The following ALKBH8 variants were observed in gnomAD, a reference collection of about 807,000 sequenced individuals.
The protein encoded by ALKBH8 is alkB homolog 8, tRNA methyltransferase.
A neutral mutation model predicts 59.8 loss-of-function variants in ALKBH8; 36 were observed. That is an observed-to-expected ratio of 0.60 (90% CI 0.46 to 0.79). The LOEUF (loss-of-function observed/expected upper bound fraction) is 0.79, where lower values mean the gene tolerates loss of function less well. Ranked by LOEUF, ALKBH8 falls within the 30% of genes least tolerant of loss-of-function variation. The probability of loss-of-function intolerance (pLI) is 0.00; values close to 1 mark genes in which losing one functional copy is unlikely to be tolerated. For synonymous variants in ALKBH8, 276 were observed against 273.6 expected, an observed-to-expected ratio of 1.01 and a Z score of -0.09; for missense variants, 768 against 801.0, an observed-to-expected ratio of 0.96 and a Z score of 0.50.
intron 2 of ALKBH8, among the ~76,000 whole-genome samples, chr11:107,558,061 AT>A (rs1334989945): frequency 6.6e-6 from 1 of 152,162 alleles, no homozygotes; most frequent in Non-Finnish European, 1.5e-5. Context: ...TCTTAGTATT[AT>A]TTTTTAACAC....
At position 107,505,113 on chromosome 11, in the gene ALKBH8, T is replaced by A; in HGVS notation, c.1540A>T (p.Lys514Ter). ...WAMEQEYNKQ[K>*]SKYLRGNRNS... The stretch of plus-strand genomic sequence containing the variant: ...CTGTTTCCTCTAAGATACTTGGACT[T>A]CTGCTTATTATATTCTTGTTCCATT... The change falls in exon 12 of 12, where the codon AAG (lysine) becomes TAG (stop). Residue 514 changes from lysine to a stop codon, truncating the protein, a stop_gained. Transcript: ENST00000428149. LOFTEE classifies it low-confidence loss of function (END_TRUNC). 1.3e-6 allele frequency: 2 copies of A among 1,551,416 alleles called. No individual in the cohort carries two copies. The highest frequency in any genetic ancestry group is 2.4e-5 in the South Asian group (2 of 84,066).
At chr11:107,544,011 T>A (rs981695358) in intron 7 of ALKBH8, among the ~76,000 whole-genome samples, 4 of 152,220 alleles carry the variant, frequency 2.6e-5, no homozygotes, top group African/African-American at 9.6e-5. Context: ...TATGTACATA[T>A]CTTTTATTAT....
At chr11:107,534,017 C>T (rs1340685426) in intron 7 of ALKBH8, among the ~76,000 whole-genome samples, 2 of 152,020 alleles carry the variant, frequency 1.3e-5, no homozygotes, top group African/African-American at 4.8e-5. Flanking sequence ...GTAATCTCAG[C>T]TACTCAGGAG....
At chr11:107,526,928 ATCTG>A (rs1487671126) in intron 8 of ALKBH8, among the ~76,000 whole-genome samples, 7 of 151,970 alleles carry the variant, frequency 4.6e-5, no homozygotes, top group African/African-American at 1.4e-4. Flanking sequence ...CTCCTGATCT[ATCTG>A]TCTATCTGTA....
chr11:107,534,271 T>C (rs1016595236), intron 7 of ALKBH8, among the ~76,000 whole-genome samples: 1 of 152,178 alleles, frequency 6.6e-6, no homozygotes, highest in South Asian at 2.1e-4. Context: ...CTCGAAAGAA[T>C]AATGAGCATA....
At chr11:107,544,358 G>A (rs1474891438) in intron 7 of ALKBH8, among the ~76,000 whole-genome samples, 1 of 152,136 alleles carries the variant, frequency 6.6e-6, no homozygotes, top group Non-Finnish European at 1.5e-5. Flanking sequence ...GACTAAAGAA[G>A]CTCCCACTCC....
chr11:107,557,204 T>G (rs1864755608), intron 2 of ALKBH8, among the ~76,000 whole-genome samples: 1 of 152,252 alleles, frequency 6.6e-6, no homozygotes, highest in Admixed American at 6.5e-5. Flanking sequence ...AAAGGACTCC[T>G]ATATTGTAAA....
chr11:107,560,861 G>A lies in ALKBH8; in HGVS notation c.33C>T (p.Leu11=), dbSNP rs762959971. MDSNHQSNYK[L]SKTEKKFLRK... ...TTAAGAACTTCTTCTCAGTTTTACT[G>A]AGTTTGTAATTACTTTGATGGTTGC... The change falls in exon 2 of 12, where the codon CTC becomes CTT. Residue 11 remains leucine, a synonymous_variant. Transcript: ENST00000428149. The A allele has an allele frequency of 1.9e-6, 3 of 1,612,704 alleles. No individual in the cohort carries two copies. The highest frequency in any genetic ancestry group is 2.5e-6 in the Non-Finnish European group (3 of 1,179,348).
chr11:107,507,923 AT>A (rs1862458308), intron 11 of ALKBH8, among the ~76,000 whole-genome samples: 1 of 152,310 alleles, frequency 6.6e-6, no homozygotes, highest in African/African-American at 2.4e-5. Flanking sequence ...TCACAGTGCC[AT>A]AAAAATGATC....
intron 1 of ALKBH8, chr11:107,562,768 T>A (rs2510452): frequency 0.24 from 36,800 of 151,334 alleles, 4,815 homozygotes; most frequent in Non-Finnish European, 0.3. Context: ...GTAAAAAAAA[T>A]AATAATAATA....
At chr11:107,511,898 G>C (rs764856805) in intron 10 of ALKBH8, among the ~76,000 whole-genome samples, 1 of 151,976 alleles carries the variant, frequency 6.6e-6, no homozygotes, top group Admixed American at 6.6e-5. Context: ...ATTTTTTAAA[G>C]CTACTCTTTT....
intron 8 of ALKBH8, among the ~76,000 whole-genome samples, chr11:107,527,521 G>T (rs1401557255): frequency 6.6e-6 from 1 of 151,856 alleles, no homozygotes; most frequent in Non-Finnish European, 1.5e-5. Context: ...TCCATCTGTT[G>T]TAAGAAACAG....
intron 7 of ALKBH8, among the ~76,000 whole-genome samples, chr11:107,534,203 T>C (rs1863716740): frequency 6.6e-6 from 1 of 152,120 alleles, no homozygotes; most frequent in South Asian, 2.1e-4. Flanking sequence ...CACAGTGGCC[T>C]CTTTTTAAAC....
At chr11:107,505,957 T>C (rs565536733) in intron 11 of ALKBH8, among the ~76,000 whole-genome samples, 11 of 152,158 alleles carry the variant, frequency 7.2e-5, no homozygotes, top group Non-Finnish European at 1.3e-4. Context: ...TGAAAATCTA[T>C]ATGCAAACAC....
chr11:107,509,228 T>C (rs1442753665), intron 11 of ALKBH8, among the ~76,000 whole-genome samples: 1 of 152,208 alleles, frequency 6.6e-6, no homozygotes, highest in East Asian at 1.9e-4. Flanking sequence ...TGGTATCTCA[T>C]TATGGTTTTG....
chr11:107,510,284 G>A (rs1862567441), intron 11 of ALKBH8, among the ~76,000 whole-genome samples: 1 of 151,566 alleles, frequency 6.6e-6, no homozygotes, highest in Non-Finnish European at 1.5e-5. Flanking sequence ...AAAAATAAGT[G>A]GTCTTTTGTT....
Position 107,504,168 on chromosome 11 carries a change from T to C in ALKBH8, c.*490A>G. The C allele has an allele frequency of 1.6e-5, 4 of 246,106 alleles. No homozygotes were observed. Among genetic ancestry groups the C allele is most frequent in the Non-Finnish European group, 2.3e-5 (3 of 130,762 alleles). The allele number at this position is 246,106 out of a possible 1,614,324, so 15.2% of individuals were successfully genotyped here. ...ACTAAACGTTATTGGACACCCGCTA[T>C]ACGTCCAGCCCTGGGCTAGTCAGGC... On this transcript the variant is annotated 3_prime_UTR_variant, in exon 12 of 12. Coordinates refer to ENST00000428149, the MANE Select transcript of ALKBH8 (RefSeq NM_138775.3).
Position 107,565,481 on chromosome 11 carries a change from TC to T in ALKBH8, c.-7+119del, listed in dbSNP as rs1056154222. 8 of 1,434,582 alleles carry T rather than the reference TC, an allele frequency of 5.6e-6. No individual in the cohort carries two copies. The Admixed American group carries it at 1.2e-4, about 22-fold the overall frequency. 88.9% of individuals were successfully genotyped at this position (1,434,582 alleles called of 1,614,324 possible). A position where few individuals can be genotyped will look rare whatever the true frequency, so the allele number is the denominator to read the frequency against. ...GCACCAAGGGCGCCTCTGGGATCCATCCCCTTTCCCTAGGTTCTCAGCCCTA... is the reference window on the plus strand; with the variant it reads ...GCACCAAGGGCGCCTCTGGGATCCATCCCTTTCCCTAGGTTCTCAGCCCTA... On this transcript the variant is annotated intron_variant, in intron 1 of 11. Coordinates refer to ENST00000428149, the MANE Select transcript of ALKBH8 (RefSeq NM_138775.3).
At chr11:107,543,092 T>C (rs911974513) in intron 7 of ALKBH8, among the ~76,000 whole-genome samples, 3 of 152,068 alleles carry the variant, frequency 2.0e-5, no homozygotes, top group African/African-American at 7.2e-5. Context: ...TTTTAGAATG[T>C]TGGATATAGG....
Sources: gnomAD v4.1 joint callset for allele counts (sites outside exome capture counted in the v4.1 genomes callset) on GRCh38, gnomAD v4.1.1 for gene constraint, MANE v1.5 for transcripts, NCBI Gene and HGNC (gene_info 2026-07-23, HGNC 2026-07-21) for gene names.